RSPO2: variants seen among roughly 807,000 people sequenced by gnomAD.
RSPO2 encodes the protein R-spondin 2, also known as R-spondin-2.
A neutral mutation model predicts 30.9 loss-of-function variants in RSPO2; 14 were observed. The ratio of observed to expected loss-of-function variants is 0.45; its 90% CI spans 0.30 to 0.71. The LOEUF is 0.71. RSPO2 is among the 30% of genes least tolerant of loss of function. RSPO2 has a pLI of 0.08. For missense variants in RSPO2, 264 were observed against 301.9 expected, an observed-to-expected ratio of 0.87 and a Z score of 0.93; for synonymous variants, 107 against 96.4, an observed-to-expected ratio of 1.11 and a Z score of -0.64.
Position 107,941,635 on chromosome 8 carries a change from G to A in RSPO2, c.616+16445C>T, listed in dbSNP as rs1309230740. 2.0e-5 allele frequency among the ~76,000 whole-genome samples: 3 copies of A among 152,168 alleles called. No individual in the cohort carries two copies. The South Asian group carries it at 6.2e-4, about 32-fold the overall frequency. On this transcript the variant is annotated intron_variant, in intron 5 of 5. Transcript: ENST00000276659. ...TTGTATCACTATAAGAGACCACTCT[G>A]ACCATGAATAAATCTAATCAGTGAG...
chr8:108,001,891 G>T (rs1815260628), intron 2 of RSPO2, among the ~76,000 whole-genome samples: 1 of 152,098 alleles, frequency 6.6e-6, no homozygotes, highest in African/African-American at 2.4e-5. Context: ...CTGGCAGGGG[G>T]TGGGGGCAAG....
Position 107,959,657 on chromosome 8 carries a change from T to C in RSPO2, c.427+1017A>G, listed in dbSNP as rs150821817. Among the ~76,000 whole-genome samples the C allele has an allele frequency of 6.8e-3, 1,032 of 152,342 alleles. 11 individuals are homozygous for C. The highest frequency in any genetic ancestry group is 0.01 in the Non-Finnish European group (697 of 68,030). On this transcript the variant is annotated intron_variant, in intron 4 of 5. Coordinates refer to ENST00000276659, the MANE Select transcript of RSPO2 (RefSeq NM_178565.5). ...AGGATTTCAGCGTTTCCACTAAACA[T>C]GTGTAATGTGTGTGTCCTGCCTCTC...
intron 2 of RSPO2, among the ~76,000 whole-genome samples, chr8:108,079,657 T>C (rs1813126041): frequency 6.6e-6 from 1 of 150,474 alleles, no homozygotes; most frequent in African/African-American, 2.5e-5. Context: ...GTTCGGAGAA[T>C]GCTCCACAGT....
At position 107,989,630 on chromosome 8, in the gene RSPO2, G is replaced by A. The variant is rs1814778441; in HGVS notation, c.95-386C>T. ...TGGGGCTGTTTGTCCATGACCCCCTGCCCTAACTGGCTAGAGCAGGGGATT... is the reference window on the plus strand; with the variant it reads ...TGGGGCTGTTTGTCCATGACCCCCTACCCTAACTGGCTAGAGCAGGGGATT... On this transcript the variant is annotated intron_variant, in intron 2 of 5. Coordinates refer to ENST00000276659, the MANE Select transcript of RSPO2 (RefSeq NM_178565.5). The A allele has an allele frequency of 1.9e-5, 3 of 161,080 alleles. No homozygotes were observed. The Admixed American group carries it at 1.9e-4, about 10-fold the overall frequency. The allele number at this position is 161,080 out of a possible 1,614,324, so 10.0% of individuals were successfully genotyped here.
At chr8:107,971,417 G>A (rs1016766246) in intron 3 of RSPO2, among the ~76,000 whole-genome samples, 1 of 152,192 alleles carries the variant, frequency 6.6e-6, no homozygotes, top group Non-Finnish European at 1.5e-5. Context: ...GTATCAGTTT[G>A]ATATAATCTA....
chr8:107,947,099 T>A (rs555774182), intron 5 of RSPO2, among the ~76,000 whole-genome samples: 1 of 152,364 alleles, frequency 6.6e-6, no homozygotes, highest in African/African-American at 2.4e-5. Context: ...GAACACAGCA[T>A]TTAACTCAGA....
At chr8:107,925,431 T>G (rs1278383944) in intron 5 of RSPO2, among the ~76,000 whole-genome samples, 1 of 151,818 alleles carries the variant, frequency 6.6e-6, no homozygotes, top group Non-Finnish European at 1.5e-5. Flanking sequence ...ATACTTTAAG[T>G]TCTAGGGTAC....
intron 3 of RSPO2, among the ~76,000 whole-genome samples, chr8:107,984,667 A>G (rs1814565177): frequency 6.6e-6 from 1 of 152,262 alleles, no homozygotes; most frequent in Non-Finnish European, 1.5e-5. Context: ...ATTTGAAAAT[A>G]CCAAGGAGGA....
chr8:108,025,323 T>C (rs1204542508), intron 2 of RSPO2, among the ~76,000 whole-genome samples: 1 of 152,168 alleles, frequency 6.6e-6, no homozygotes, highest in Non-Finnish European at 1.5e-5. Flanking sequence ...AAACACATTG[T>C]GCCAGAGAGA....
chr8:108,059,087 T>C (rs1211859822), intron 2 of RSPO2, among the ~76,000 whole-genome samples: 4 of 151,772 alleles, frequency 2.6e-5, no homozygotes, highest in African/African-American at 9.7e-5. Context: ...AGAAAATTTT[T>C]GCAACCTACT....
chr8:107,999,999 C>G (rs1303073498), intron 2 of RSPO2, among the ~76,000 whole-genome samples: 2 of 152,026 alleles, frequency 1.3e-5, no homozygotes, highest in Non-Finnish European at 2.9e-5. Flanking sequence ...ACAAAAGAAA[C>G]AGGAATGATC....
At chr8:107,975,603 C>T (rs892207765) in intron 3 of RSPO2, among the ~76,000 whole-genome samples, 4 of 152,188 alleles carry the variant, frequency 2.6e-5, no homozygotes, top group African/African-American at 9.7e-5. Context: ...ATAGTGAGCC[C>T]TTGCTCCTAC....
chr8:108,076,648 G>A (rs116529424), intron 2 of RSPO2, among the ~76,000 whole-genome samples: 215 of 152,270 alleles, frequency 1.4e-3, no homozygotes, highest in African/African-American at 5.1e-3. Flanking sequence ...GAACACATTT[G>A]GGAGGGGGCA....
intron 3 of RSPO2, among the ~76,000 whole-genome samples, chr8:107,963,394 T>C (rs1409841364): frequency 6.6e-6 from 1 of 151,562 alleles, no homozygotes; most frequent in Non-Finnish European, 1.5e-5. Flanking sequence ...CATGGTGGTA[T>C]GTGCCTGTTG....
chr8:108,032,298 G>T (rs1459387422), intron 2 of RSPO2, among the ~76,000 whole-genome samples: 1 of 152,160 alleles, frequency 6.6e-6, no homozygotes, highest in Non-Finnish European at 1.5e-5. Context: ...ATAGTTCCCA[G>T]ATTGTCTATC....
chr8:108,003,251 A>ATGTGTG (rs1171593916), intron 2 of RSPO2, among the ~76,000 whole-genome samples: 1 of 22,758 alleles, frequency 4.4e-5, no homozygotes, highest in African/African-American at 2.5e-4. Context: ...GTATGTATGT[A>ATGTGTG]TGTGTGTGTG....
intron 2 of RSPO2, among the ~76,000 whole-genome samples, chr8:108,045,370 T>C (rs117049568): frequency 8.0e-4 from 122 of 152,286 alleles, no homozygotes; most frequent in Non-Finnish European, 1.4e-3. Context: ...CACAAAGAGA[T>C]ACCATCTCAC....
At chr8:108,053,376 A>T (rs1047665956) in intron 2 of RSPO2, among the ~76,000 whole-genome samples, 1 of 152,156 alleles carries the variant, frequency 6.6e-6, no homozygotes, top group African/African-American at 2.4e-5. Context: ...CTTCCTCTTG[A>T]CCAAAAATCC....
intron 2 of RSPO2, among the ~76,000 whole-genome samples, chr8:108,068,255 G>A (rs1812732828): frequency 6.6e-6 from 1 of 152,160 alleles, no homozygotes; most frequent in South Asian, 2.1e-4. Context: ...AGGAACTTGA[G>A]GTTACATACT....
Sources: allele counts gnomAD v4.1 joint callset (sites outside exome capture counted in the v4.1 genomes callset), GRCh38; gene constraint gnomAD v4.1.1; transcripts MANE v1.5; gene names NCBI Gene and HGNC (gene_info 2026-07-23, HGNC 2026-07-21).